Variants in CPNE8 observed in about 807,000 individuals in gnomAD.
CPNE8 encodes copine-8.
A neutral mutation model predicts 81.5 loss-of-function variants in CPNE8; 45 were observed. The observed-to-expected ratio is 0.55, with a 90% CI of 0.44 to 0.71. The LOEUF is 0.71. Ranked by LOEUF, CPNE8 falls within the 30% of genes least tolerant of loss-of-function variation. The pLI, the probability that CPNE8 is intolerant of heterozygous loss-of-function variation, is 0.00. For missense variants in CPNE8, 594 were observed against 672.1 expected (o/e 0.88, Z 1.28); for synonymous variants, 252 against 226.3 (o/e 1.11, Z -1.02).
rs869168296 is a variant in CPNE8, at chr12:38,817,614, CTTTTTT to C, written c.407+11759_407+11764del. Reference sequence around the variant, plus strand: ...GTTTAAAGTTACACATTAATTTATTCTTTTTTTTTTTTTTTTTTTTTTTGTGAGAGA... The same window carrying C: ...GTTTAAAGTTACACATTAATTTATTCTTTTTTTTTTTTTTTTTGTGAGAGA... On this transcript the variant is annotated intron_variant, in intron 6 of 19. Coordinates refer to ENST00000331366, the MANE Select transcript of CPNE8 (RefSeq NM_153634.3). Among the ~76,000 whole-genome samples, 784 of 90,628 alleles carry C rather than the reference CTTTTTT, an allele frequency of 8.7e-3. 4 individuals are homozygous for C. The highest frequency in any genetic ancestry group is 0.031 in the African/African-American group (721 of 23,178). The allele number at this position is 90,628 out of a possible 152,430, so 59.5% of individuals were successfully genotyped here. A position where few individuals can be genotyped will look rare whatever the true frequency, so the allele number is the denominator to read the frequency against.
chr12:38,905,677 G>C (rs921051550), upstream of CPNE8: 24 of 1,470,050 alleles, frequency 1.6e-5, no homozygotes, highest in African/African-American at 3.4e-4. Context: ...ATGGGGGAGG[G>C]AAGGGAGGAG....
intron 14 of CPNE8, among the ~76,000 whole-genome samples, chr12:38,702,435 A>G: frequency 6.6e-6 from 1 of 152,136 alleles, no homozygotes; most frequent in East Asian, 1.9e-4. Context: ...CCAACTTTAT[A>G]AAGGACAGAT....
intron 3 of CPNE8, among the ~76,000 whole-genome samples, chr12:38,864,073 A>AAG (rs1490350876): frequency 6.6e-6 from 1 of 151,614 alleles, no homozygotes. Context: ...AAAAAAAAAA[A>AAG]GAAAAAAGAA....
intron 10 of CPNE8, among the ~76,000 whole-genome samples, chr12:38,738,835 A>G (rs11169324): frequency 0.081 from 10,866 of 133,356 alleles, 727 homozygotes; most frequent in East Asian, 0.25. Flanking sequence ...TTTTTTTGAG[A>G]CAGGGTCTTG....
At chr12:38,833,128 G>A (rs553486921) in intron 5 of CPNE8, among the ~76,000 whole-genome samples, 14 of 151,876 alleles carry the variant, frequency 9.2e-5, no homozygotes, top group Non-Finnish European at 1.6e-4. Flanking sequence ...CGAGGCGGGC[G>A]GATCACTTGA....
rs552431453 is a variant in CPNE8 at position 38,826,430 on chromosome 12, T to C, written c.407+2949A>G. Among the ~76,000 whole-genome samples, 21 of 152,348 alleles carry C rather than the reference T, an allele frequency of 1.4e-4. 1 individual carries two copies. The East Asian group carries it at 2.7e-3, about 20-fold the overall frequency. ...ACAAGTTTTGAAGTCTTTCCCTCAT[T>C]ACACTATATGAAATATGTGTATGTT... On this transcript the variant is annotated intron_variant, in intron 6 of 19. Transcript: ENST00000331366.
At chr12:38,757,137 AAAT>A (rs1941478562) in intron 10 of CPNE8, among the ~76,000 whole-genome samples, 2 of 152,134 alleles carry the variant, frequency 1.3e-5, no homozygotes, top group South Asian at 4.1e-4. Context: ...TCCACTGAGC[AAAT>A]AATGTTTTTT....
At chr12:38,826,095 C>T (rs746641163) in intron 6 of CPNE8, among the ~76,000 whole-genome samples, 4 of 152,144 alleles carry the variant, frequency 2.6e-5, no homozygotes, top group Non-Finnish European at 5.9e-5. Context: ...TCAAGCTTTA[C>T]ATTTTCTTAC....
chr12:38,680,133 A>G lies in CPNE8; in HGVS notation c.1272-2579T>C, dbSNP rs113311386. Among the ~76,000 whole-genome samples, 260 of 152,062 alleles carry G rather than the reference A, an allele frequency of 1.7e-3. 1 individual carries two copies. The highest frequency in any genetic ancestry group is 6.0e-3 in the African/African-American group (249 of 41,558). ...TAACTTTGTCAGGGCAGTACAATTCAAACACATTTCTTTTGCATTTCTTTG... is the reference window on the plus strand; with the variant it reads ...TAACTTTGTCAGGGCAGTACAATTCGAACACATTTCTTTTGCATTTCTTTG... On this transcript the variant is annotated intron_variant, in intron 16 of 19. Transcript: ENST00000331366.
At chr12:38,869,277 G>A (rs1565655537) in intron 3 of CPNE8, among the ~76,000 whole-genome samples, 1 of 152,084 alleles carries the variant, frequency 6.6e-6, no homozygotes. Flanking sequence ...TCCTAGTTTT[G>A]TTATCCTTTT....
intron 19 of CPNE8, among the ~76,000 whole-genome samples, chr12:38,655,262 T>A (rs1397862926): frequency 6.6e-6 from 1 of 152,188 alleles, no homozygotes; most frequent in African/African-American, 2.4e-5. Flanking sequence ...CAATACCAAA[T>A]GCTCCTGTAA....
intron 10 of CPNE8, among the ~76,000 whole-genome samples, chr12:38,745,182 C>A (rs1290310003): frequency 6.6e-6 from 1 of 152,216 alleles, no homozygotes; most frequent in Non-Finnish European, 1.5e-5. Flanking sequence ...TTATAACGTA[C>A]TCAGAACCAC....
rs185804732 is a variant in CPNE8 at position 38,742,785 on chromosome 12, T to C, written c.723-12427A>G. On this transcript the variant is annotated intron_variant, in intron 10 of 19. Transcript: ENST00000331366. ...TGTTTGCTATGTTTATTTTGTTCTA[T>C]GTACAATACAATGTAAACTCTAAAA... 8.2e-3 allele frequency among the ~76,000 whole-genome samples: 1,242 copies of C among 152,060 alleles called. 8 individuals are homozygous for C. Among genetic ancestry groups the C allele is most frequent in the Non-Finnish European group, 0.013 (897 of 67,962 alleles).
chr12:38,899,252 G>GATT (rs1269228873), intron 1 of CPNE8, among the ~76,000 whole-genome samples: 1 of 152,120 alleles, frequency 6.6e-6, no homozygotes, highest in Non-Finnish European at 1.5e-5. Context: ...TTTGGGAGAT[G>GATT]ATTAGGTCAT....
chr12:38,680,965 C>T (rs1939397403), intron 16 of CPNE8, among the ~76,000 whole-genome samples: 1 of 151,520 alleles, frequency 6.6e-6, no homozygotes, highest in African/African-American at 2.4e-5. Flanking sequence ...TGATAGATCC[C>T]CCTTAAAATT....
intron 6 of CPNE8, among the ~76,000 whole-genome samples, chr12:38,818,903 A>G (rs191308237): frequency 7.8e-4 from 118 of 152,070 alleles, no homozygotes; most frequent in Middle Eastern, 3.4e-3. Flanking sequence ...GCTTTTTTTC[A>G]TATGTTTGTT....
intron 4 of CPNE8, among the ~76,000 whole-genome samples, chr12:38,845,847 C>T (rs567787705): frequency 1.3e-5 from 2 of 152,096 alleles, no homozygotes; most frequent in Non-Finnish European, 2.9e-5. Context: ...TGCAGGTAAC[C>T]CTTTCTAGCC....
At chr12:38,877,400 G>C (rs1033450698) in intron 1 of CPNE8, among the ~76,000 whole-genome samples, 3 of 151,790 alleles carry the variant, frequency 2.0e-5, no homozygotes, top group Admixed American at 6.6e-5. Context: ...ATATGAGAAG[G>C]CTACTCTTCC....
chr12:38,840,017 G>A, intron 4 of CPNE8, 62 bp from the exon 5 acceptor site: 5 of 1,439,802 alleles, frequency 3.5e-6, no homozygotes, highest in East Asian at 2.4e-5. Context: ...AAAAAAACCA[G>A]TATTTTCCAA....
Sources: gnomAD v4.1 joint callset for allele counts (sites outside exome capture counted in the v4.1 genomes callset) on GRCh38, gnomAD v4.1.1 for gene constraint, MANE v1.5 for transcripts, NCBI Gene and HGNC (gene_info 2026-07-23, HGNC 2026-07-21) for gene names.